NLRP3: variants seen among roughly 807,000 people sequenced by gnomAD.
The protein encoded by NLRP3 is NLR family pyrin domain containing 3, also known as NACHT, LRR and PYD domains-containing protein 3.
NLRP3 carries 48 observed loss-of-function variants against 91.3 expected under a neutral mutation model. The observed-to-expected ratio is 0.53, with a 90% CI of 0.42 to 0.67. The LOEUF is 0.67. Ranked by LOEUF, NLRP3 falls within the 30% of genes least tolerant of loss-of-function variation. The probability of loss-of-function intolerance (pLI) is 0.00; values close to 1 mark genes in which losing one functional copy is unlikely to be tolerated. For missense variants in NLRP3, 982 were observed against 1,276.9 expected, an observed-to-expected ratio of 0.77 and a Z score of 3.52; for synonymous variants, 561 against 507.9, an observed-to-expected ratio of 1.10 and a Z score of -1.41.
At position 247,418,954 on chromosome 1, in the gene NLRP3, C is replaced by T. The variant is rs1475761802; in HGVS notation, c.154C>T (p.Leu52=). 1 of 1,614,126 alleles carries T rather than the reference C, an allele frequency of 6.2e-7. No homozygotes were observed. The change falls in exon 2 of 10, where the codon CTA becomes TTA. Residue 52 remains leucine, a synonymous_variant. Coordinates refer to ENST00000336119, the MANE Select transcript of NLRP3 (RefSeq NM_001243133.2). ...GQTEKADHVD[L]ATLMIDFNGE... ...GACAGAGAAGGCAGACCATGTGGAT[C>T]TAGCCACGCTAATGATCGACTTCAA...
chr1:247,417,264 G>A (rs551594529), intron 1 of NLRP3, among the ~76,000 whole-genome samples: 5 of 152,148 alleles, frequency 3.3e-5, no homozygotes, highest in East Asian at 1.9e-4. Context: ...TAAACCCCTC[G>A]GCAGGCTTCC....
Position 247,424,734 on chromosome 1 carries a change from A to G in NLRP3, c.1285A>G (p.Ser429Gly), listed in dbSNP as rs966703663. The G allele has an allele frequency of 3.1e-6, 5 of 1,613,928 alleles. No individual in the cohort carries two copies. Among genetic ancestry groups the G allele is most frequent in the Non-Finnish European group, 4.2e-6 (5 of 1,180,034 alleles). The change falls in exon 4 of 10, where the codon AGC becomes GGC. Residue 429 changes from serine to glycine, a missense_variant. Physicochemically the swap from Ser to Gly is moderately conservative, Grantham distance 56 (BLOSUM62 0). Coordinates refer to ENST00000336119, the MANE Select transcript of NLRP3 (RefSeq NM_001243133.2). This position sits in a 1 kb window ranked among gnomAD's most constrained non-coding sequence, Gnocchi z 8.1. The part of the protein sequence containing the change: ...GLKQQMESGK[S>G]LAQTSKTTTA... The stretch of plus-strand genomic sequence containing the variant: ...GAAACAGCAGATGGAGAGTGGCAAG[A>G]GCCTTGCCCAGACATCCAAGACCAC...
At position 247,425,089 on chromosome 1, in the gene NLRP3, G is replaced by A. The variant is rs1322407305; in HGVS notation, c.1640G>A (p.Ser547Asn). ...EKEGRTNVPGSRLKLPSRDVT... is the reference protein window; with the variant it reads ...EKEGRTNVPGNRLKLPSRDVT... ...GAAGGAAGGACGAACGTTCCAGGGA[G>A]TCGTTTGAAGCTTCCCAGCCGAGAC... is the stretch of plus-strand genomic sequence containing the variant. The change falls in exon 4 of 10, where the codon AGT becomes AAT. Residue 547 changes from serine to asparagine, a missense_variant. By Grantham distance (46) the Ser-to-Asn change is conservative. Coordinates refer to ENST00000336119, the MANE Select transcript of NLRP3 (RefSeq NM_001243133.2). The surrounding 1 kb of genome is among the most constrained non-coding windows in gnomAD (Gnocchi z 4.1). 6.2e-7 allele frequency: 1 copy of A among 1,614,054 alleles called. No homozygotes were observed. The highest frequency in any genetic ancestry group is 8.5e-7 in the Non-Finnish European group (1 of 1,180,036).
rs1662775443 is a variant in NLRP3 at position 247,425,153 on chromosome 1, G to A, written c.1704G>A (p.Lys568=). ...VLLENYGKFE[K]GYLIFVVRFL... is the part of the protein sequence containing the mutation. The stretch of plus-strand genomic sequence containing the variant: ...TGGAAAACTATGGCAAATTCGAAAA[G>A]GGGTATTTGATTTTTGTTGTACGTT... The change falls in exon 4 of 10, where the codon AAG becomes AAA. Residue 568 remains lysine, a synonymous_variant. Coordinates refer to ENST00000336119, the MANE Select transcript of NLRP3 (RefSeq NM_001243133.2). The surrounding 1 kb of genome is among the most constrained non-coding windows in gnomAD (Gnocchi z 4.1). 2 of 1,614,118 alleles carry A rather than the reference G, an allele frequency of 1.2e-6. No homozygotes were observed. The highest frequency in any genetic ancestry group is 1.1e-5 in the South Asian group (1 of 91,064).
intron 2 of NLRP3, among the ~76,000 whole-genome samples, chr1:247,420,652 G>C (rs1405031721): frequency 6.6e-6 from 1 of 152,166 alleles, no homozygotes; most frequent in Non-Finnish European, 1.5e-5. Flanking sequence ...GGGGAGTGGA[G>C]GTTGCAGTGA....
chr1:247,426,785 C>T lies in NLRP3; in HGVS notation c.2150+1186C>T, dbSNP rs181369593. Among the ~76,000 whole-genome samples the T allele has an allele frequency of 3.4e-3, 513 of 152,242 alleles. 1 individual carries two copies. Among genetic ancestry groups the T allele is most frequent in the Admixed American group, 8.7e-3 (133 of 15,292 alleles). On this transcript the variant is annotated intron_variant, in intron 4 of 9. Transcript: ENST00000336119. ...GCAGAGTATCCAAAGCACAAGGGGA[C>T]GAACCTGTTCACCAGCGGGGCACGG... is the stretch of plus-strand genomic sequence containing the variant.
chr1:247,427,154 C>T (rs1051495089), intron 4 of NLRP3, among the ~76,000 whole-genome samples: 2 of 152,102 alleles, frequency 1.3e-5, no homozygotes, highest in Non-Finnish European at 2.9e-5. Flanking sequence ...CTCACTGTGT[C>T]CTTACATGGT....
intron 2 of NLRP3, among the ~76,000 whole-genome samples, chr1:247,420,916 C>T (rs1043034852): frequency 3.3e-5 from 5 of 152,138 alleles, no homozygotes; most frequent in Non-Finnish European, 5.9e-5. Flanking sequence ...GACCTGCCTC[C>T]AATTCTCCAT....
chr1:247,441,102 CTCCTT>C (rs1664181266), intron 7 of NLRP3, among the ~76,000 whole-genome samples: 2 of 146,134 alleles, frequency 1.4e-5, no homozygotes, highest in South Asian at 4.3e-4. Context: ...CTTCCTCCTC[CTCCTT>C]TCTTTCTCTC....
intron 2 of NLRP3, among the ~76,000 whole-genome samples, chr1:247,420,078 AT>A (rs1662345749): frequency 6.6e-6 from 1 of 152,070 alleles, no homozygotes; most frequent in Non-Finnish European, 1.5e-5. Flanking sequence ...CGTTATTTTT[AT>A]TTATTTTTTC....
rs1393670152 is a variant in NLRP3, at chr1:247,427,033, A to G, written c.2150+1434A>G. Among the ~76,000 whole-genome samples the G allele has an allele frequency of 3.9e-5, 6 of 152,234 alleles. 1 individual carries two copies. The East Asian group carries it at 1.2e-3, about 29-fold the overall frequency. ...CAAAACACTGCAGGCTGGTTGGCTT[A>G]TAAGCAAAAGGAAGGTTCACCTTAC... is the stretch of plus-strand genomic sequence containing the variant. On this transcript the variant is annotated intron_variant, in intron 4 of 9. Coordinates refer to ENST00000336119, the MANE Select transcript of NLRP3 (RefSeq NM_001243133.2).
chr1:247,424,613 C>T lies in NLRP3; in HGVS notation c.1164C>T (p.Ala388=). The T allele has an allele frequency of 6.2e-7, 1 of 1,614,216 alleles. No homozygotes were observed. The highest frequency in any genetic ancestry group is 8.5e-7 in the Non-Finnish European group (1 of 1,180,036). Residue 388 remains alanine (A), a synonymous_variant, in exon 4 of 10, where the codon GCC becomes GCT. Transcript: ENST00000336119. The surrounding 1 kb of genome is among the most constrained non-coding windows in gnomAD (Gnocchi z 8.1). ...TCTTCAAGTACTTCTCTGATGAGGC[C>T]CAAGCCAGGGCAGCCTTCAGTCTGA... ...EYFFKYFSDE[A]QARAAFSLIQ...
Position 247,429,770 on chromosome 1 carries a change from A to ATCTG in NLRP3, c.2321+16_2321+17insCTGT. 1 of 1,613,030 alleles carries ATCTG rather than the reference A, an allele frequency of 6.2e-7. No homozygotes were observed. Among genetic ancestry groups the ATCTG allele is most frequent in the Non-Finnish European group, 8.5e-7 (1 of 1,179,888 alleles). ...CGGAGATTGTGGTGAGTCCCCGTGC[A>ATCTG]TGTGATCTGTGTGAGTGCAAGTTCA... On this transcript the variant is annotated intron_variant, in intron 5 of 9. Coordinates refer to ENST00000336119, the MANE Select transcript of NLRP3 (RefSeq NM_001243133.2).
chr1:247,430,233 A>C (rs1413496100), intron 5 of NLRP3, among the ~76,000 whole-genome samples: 3 of 152,108 alleles, frequency 2.0e-5, no homozygotes, highest in Admixed American at 6.5e-5. Flanking sequence ...CAACAACAAA[A>C]ATTCATTTTC....
In NLRP3 at chr1:247,418,812, C is replaced by T. The variant is rs745886795; in HGVS notation, c.12C>T (p.Thr4=). 6.2e-7 allele frequency: 1 copy of T among 1,613,924 alleles called. No individual in the cohort carries two copies. The highest frequency in any genetic ancestry group is 8.5e-7 in the Non-Finnish European group (1 of 1,180,024). The change falls in exon 2 of 10, where the codon ACC becomes ACT. Residue 4 remains threonine, a synonymous_variant. Coordinates refer to ENST00000336119, the MANE Select transcript of NLRP3 (RefSeq NM_001243133.2). ...AGCTGCAGATGAAGATGGCAAGCACCCGCTGCAAGCTGGCCAGGTACCTGG... is the reference window on the plus strand; with the variant it reads ...AGCTGCAGATGAAGATGGCAAGCACTCGCTGCAAGCTGGCCAGGTACCTGG... The part of the protein sequence containing the change: MAS[T]RCKLARYLED...
intron 5 of NLRP3, among the ~76,000 whole-genome samples, chr1:247,432,473 A>C (rs927688227): frequency 3.3e-5 from 5 of 152,154 alleles, no homozygotes; most frequent in African/African-American, 1.2e-4. Context: ...TATATAGATC[A>C]CACTCTTCAT....
At chr1:247,417,328 G>C (rs1057118736) in intron 1 of NLRP3, among the ~76,000 whole-genome samples, 1 of 152,182 alleles carries the variant, frequency 6.6e-6, no homozygotes, top group Non-Finnish European at 1.5e-5. Flanking sequence ...AGGAATAGGT[G>C]CACCTCATAG....
rs1662705352 is a variant in NLRP3 at position 247,424,391 on chromosome 1, A to T, written c.942A>T (p.Gly314=). Residue 314 remains glycine (G), a synonymous_variant, in exon 4 of 10, where the codon GGA becomes GGT. Transcript: ENST00000336119. This position sits in a 1 kb window ranked among gnomAD's most constrained non-coding sequence, Gnocchi z 8.1. ...ELQGAFDEHI[G]PLCTDWQKAE... ...AAGGTGCCTTTGACGAGCACATAGG[A>T]CCGCTCTGCACTGACTGGCAGAAGG... 1 of 1,613,834 alleles carries T rather than the reference A, an allele frequency of 6.2e-7. No individual in the cohort carries two copies. Among genetic ancestry groups the T allele is most frequent in the African/African-American group, 1.3e-5 (1 of 74,842 alleles).
intron 5 of NLRP3, among the ~76,000 whole-genome samples, chr1:247,433,499 G>A (rs776863083): frequency 3.3e-5 from 5 of 152,190 alleles, no homozygotes; most frequent in Non-Finnish European, 5.9e-5. Flanking sequence ...CACTGTTTAC[G>A]GCCGGGAGTT....
Sources: gnomAD v4.1 joint callset for allele counts (sites outside exome capture counted in the v4.1 genomes callset) on GRCh38, gnomAD v4.1.1 for gene constraint, Gnocchi (gnomAD v3.1) non-coding constraint, MANE v1.5 for transcripts, NCBI Gene and HGNC (gene_info 2026-07-23, HGNC 2026-07-21) for gene names.